Variants in RGPD2 observed in about 807,000 individuals in gnomAD.
RGPD2 encodes the protein RANBP2-like and GRIP domain-containing protein 2.
Under a neutral mutation model 36.0 loss-of-function variants are expected in RGPD2, and 2 were observed. The ratio of observed to expected loss-of-function variants is 0.06; its 90% CI spans 0.02 to 0.17. The LOEUF is 0.17. Among genes scored for constraint, RGPD2 ranks in the 10% least tolerant of loss-of-function variants. RGPD2 has a pLI of 1.00. For missense variants in RGPD2, 40 were observed against 464.3 expected, an observed-to-expected ratio of 0.09 and a Z score of 8.40; for synonymous variants, 19 against 163.8, an observed-to-expected ratio of 0.12 and a Z score of 6.75.
the RGPD2 span, among the ~76,000 whole-genome samples, chr2:87,989,399 A>G: frequency 6.6e-6 from 1 of 151,510 alleles, no homozygotes; most frequent in Non-Finnish European, 1.5e-5. Context: ...TTATACAGTG[A>G]GTCACCATCA....
intron 1 of RGPD2, chr2:87,825,094 A>G: frequency 2.6e-6 from 1 of 390,598 alleles, no homozygotes; most frequent in Non-Finnish European, 4.5e-6. Flanking sequence ...GTAAACCCTG[A>G]GAACCAAAGT....
chr2:87,852,814 A>G, the RGPD2 span, among the ~76,000 whole-genome samples: 6 of 152,418 alleles, frequency 3.9e-5, no homozygotes, highest in African/African-American at 1.4e-4. Flanking sequence ...ATTTAAAAAC[A>G]GCAAATTCTC....
chr2:87,921,861 T>G, the RGPD2 span, among the ~76,000 whole-genome samples: 1 of 152,016 alleles, frequency 6.6e-6, no homozygotes, highest in East Asian at 1.9e-4. Context: ...AAATAAGAAG[T>G]GGAAGCCTGG....
At chr2:87,857,430 C>T in the RGPD2 span, among the ~76,000 whole-genome samples, 1 of 151,514 alleles carries the variant, frequency 6.6e-6, no homozygotes, top group Non-Finnish European at 1.5e-5. Flanking sequence ...GAAAGCTCTG[C>T]CTCCCAGGTT....
At chr2:87,922,931 TTA>T in the RGPD2 span, among the ~76,000 whole-genome samples, 1 of 152,166 alleles carries the variant, frequency 6.6e-6, no homozygotes, top group Middle Eastern at 3.2e-3. Flanking sequence ...TTGTTTCTTT[TTA>T]TCTTTTTTTC....
the RGPD2 span, among the ~76,000 whole-genome samples, chr2:87,963,371 AC>A: frequency 7.8e-6 from 1 of 127,468 alleles, no homozygotes; most frequent in Non-Finnish European, 1.7e-5. Context: ...CTCAGTTTTT[AC>A]AGATAAGGAA....
the RGPD2 span, among the ~76,000 whole-genome samples, chr2:87,920,071 C>T: frequency 6.6e-6 from 1 of 151,180 alleles, no homozygotes; most frequent in African/African-American, 2.4e-5. Flanking sequence ...TGTTCTTAAC[C>T]AATAATATGA....
chr2:87,929,446 G>A, the RGPD2 span, among the ~76,000 whole-genome samples: 1 of 133,594 alleles, frequency 7.5e-6, no homozygotes, highest in Admixed American at 7.4e-5. Context: ...TTGAAGTTGG[G>A]TAGTGTGATG....
the RGPD2 span, among the ~76,000 whole-genome samples, chr2:87,989,388 T>C: frequency 5.3e-5 from 8 of 151,230 alleles, no homozygotes; most frequent in Non-Finnish European, 1.2e-4. Context: ...GTGTCTAATC[T>C]TTATACAGTG....
In RGPD2 at chr2:87,825,708, C is replaced by T. The variant is rs779343861; in HGVS notation, c.22G>A (p.Gly8Arg). ...TGCACCGAGGCGAGGTACCGCTCCC[C>T]GTAGGCTTTGCTGCGCCTCATCGCA... MRRSKAY[G>R]ERYLASVQGS... Residue 8 changes from glycine to arginine, a missense_variant, in exon 1 of 23, where the codon GGG becomes AGG. Coordinates refer to ENST00000398146, the MANE Select transcript of RGPD2 (RefSeq NM_001078170.3). The T allele has an allele frequency of 1.2e-5, 19 of 1,602,676 alleles. No homozygotes were observed. Among genetic ancestry groups the T allele is most frequent in the Non-Finnish European group, 1.6e-5 (19 of 1,175,504 alleles).
the RGPD2 span, among the ~76,000 whole-genome samples, chr2:87,834,486 A>T: frequency 6.6e-6 from 1 of 152,132 alleles, no homozygotes; most frequent in Non-Finnish European, 1.5e-5. Flanking sequence ...TAGTGCTAGC[A>T]AATGACTTTT....
chr2:87,977,464 A>T, the RGPD2 span, among the ~76,000 whole-genome samples: 2 of 151,034 alleles, frequency 1.3e-5, no homozygotes, highest in East Asian at 3.9e-4. Context: ...AGTACACTAA[A>T]TGGATTTTTT....
At chr2:87,822,402 G>A (rs986177078) in intron 1 of RGPD2, among the ~76,000 whole-genome samples, 1 of 146,978 alleles carries the variant, frequency 6.8e-6, no homozygotes, top group African/African-American at 2.5e-5. Flanking sequence ...TTGTTACCAA[G>A]AACAAGACTC....
chr2:87,973,344 T>C, the RGPD2 span, among the ~76,000 whole-genome samples: 1 of 121,630 alleles, frequency 8.2e-6, no homozygotes, highest in Non-Finnish European at 1.9e-5. Flanking sequence ...CCGGTGAGGG[T>C]GAGCCAGTCA....
chr2:87,914,335 C>T, the RGPD2 span, among the ~76,000 whole-genome samples: 1 of 69,612 alleles, frequency 1.4e-5, no homozygotes, highest in African/African-American at 5.8e-5. Flanking sequence ...GAAATTTTAA[C>T]AGTCTGTGTA....
At chr2:87,877,405 G>A in the RGPD2 span, among the ~76,000 whole-genome samples, 1 of 152,292 alleles carries the variant, frequency 6.6e-6, no homozygotes, top group East Asian at 1.9e-4. Context: ...TTGTGGTAAT[G>A]AATTTCCACA....
chr2:87,948,202 T>C, the RGPD2 span, among the ~76,000 whole-genome samples: 2 of 152,128 alleles, frequency 1.3e-5, no homozygotes, highest in Non-Finnish European at 2.9e-5. Flanking sequence ...TCTCTACAGC[T>C]CATTCTCCTT....
At chr2:87,822,195 G>A (rs1686400401) in intron 1 of RGPD2, among the ~76,000 whole-genome samples, 1 of 152,012 alleles carries the variant, frequency 6.6e-6, no homozygotes, top group African/African-American at 2.4e-5. Context: ...TCTTCCCCTG[G>A]AACATAAGGG....
upstream of RGPD2, among the ~76,000 whole-genome samples, chr2:87,829,605 A>G (rs1205265501): frequency 6.6e-6 from 1 of 151,648 alleles, no homozygotes; most frequent in Non-Finnish European, 1.5e-5. Flanking sequence ...CTTAGAAGGC[A>G]GCAGGCAAGA....
Sources: gnomAD v4.1 joint callset for allele counts (sites outside exome capture counted in the v4.1 genomes callset) on GRCh38, gnomAD v4.1.1 for gene constraint, MANE v1.5 for transcripts, NCBI Gene and HGNC (gene_info 2026-07-23, HGNC 2026-07-21) for gene names.